PUDP: variants seen among roughly 807,000 people sequenced by gnomAD.
PUDP encodes the protein pseudouridine-5'-phosphatase.
PUDP carries 8 observed loss-of-function variants against 9.4 expected under a neutral mutation model. The observed-to-expected ratio is 0.85, with a 90% CI of 0.50 to 1.53. The LOEUF is 1.53. Among genes scored for constraint, PUDP ranks in the 40% most tolerant of loss-of-function variants. The pLI, the probability that PUDP is intolerant of heterozygous loss-of-function variation, is 0.00. For missense variants in PUDP, 188 were observed against 189.7 expected, an observed-to-expected ratio of 0.99 and a Z score of 0.05; for synonymous variants, 99 against 80.7, an observed-to-expected ratio of 1.23 and a Z score of -1.22.
At chrX:6,910,851 A>T (rs1215877217) in intron 3 of PUDP, among the ~76,000 whole-genome samples, 2 of 112,217 alleles carry the variant, frequency 1.8e-5, no homozygotes, top group East Asian at 5.6e-4. Context: ...TGTGGCAAAT[A>T]CAATGACTGG....
chrX:7,143,026 C>T (rs1432459385), intron 1 of PUDP, among the ~76,000 whole-genome samples: 1 of 111,156 alleles, frequency 9.0e-6, no homozygotes, highest in African/African-American at 3.3e-5. Context: ...TTTAAAATTG[C>T]CACAGCCACC....
chrX:6,917,325 C>A (rs1218017825), intron 3 of PUDP, among the ~76,000 whole-genome samples: 1 of 108,337 alleles, frequency 9.2e-6, no homozygotes, highest in Non-Finnish European at 1.9e-5. Context: ...CATGATCGCA[C>A]AACTGCACTC....
chrX:6,954,233 C>A (rs1021316485), intron 3 of PUDP, among the ~76,000 whole-genome samples: 2 of 111,286 alleles, frequency 1.8e-5, no homozygotes, highest in Non-Finnish European at 3.8e-5. Flanking sequence ...TCCTTTTACA[C>A]TGAACACATT....
intron 3 of PUDP, among the ~76,000 whole-genome samples, chrX:6,767,579 A>G (rs1211115805): frequency 8.9e-6 from 1 of 112,491 alleles, no homozygotes; most frequent in African/African-American, 3.2e-5. Flanking sequence ...CCACGATGGG[A>G]TATAGCAGCG....
chrX:7,073,174 TG>T (rs1018770892), intron 3 of PUDP, among the ~76,000 whole-genome samples: 10 of 112,169 alleles, frequency 8.9e-5, no homozygotes, highest in African/African-American at 3.2e-4. Flanking sequence ...AGGTGGTTTC[TG>T]GGGGGCTTCT....
intron 1 of PUDP, among the ~76,000 whole-genome samples, chrX:7,018,275 C>T (rs1174668401): frequency 1.8e-5 from 2 of 111,933 alleles, no homozygotes; most frequent in Non-Finnish European, 3.8e-5. Flanking sequence ...AGAACCCTCT[C>T]TTGGGGTCTG....
At chrX:7,094,724 C>A (rs1931525148) in intron 2 of PUDP, among the ~76,000 whole-genome samples, 2 of 111,730 alleles carry the variant, frequency 1.8e-5, no homozygotes, top group Admixed American at 1.9e-4. Context: ...ATTTGACTGG[C>A]AAATGGGCTT....
chrX:7,023,995 C>A (rs185336161), intron 1 of PUDP, among the ~76,000 whole-genome samples: 50 of 111,811 alleles, frequency 4.5e-4, no homozygotes, highest in Admixed American at 2.6e-3. Flanking sequence ...AGTATTGATT[C>A]TTCATTGCTA....
At chrX:7,095,323 C>T (rs779002128) in intron 2 of PUDP, among the ~76,000 whole-genome samples, 1 of 112,259 alleles carries the variant, frequency 8.9e-6, no homozygotes, top group Non-Finnish European at 1.9e-5. Context: ...TGCTTCTTAG[C>T]GGCGGCAGGA....
chrX:7,097,660 T>TC (rs1424313624), intron 2 of PUDP, among the ~76,000 whole-genome samples: 4 of 110,498 alleles, frequency 3.6e-5, no homozygotes, highest in Non-Finnish European at 7.6e-5. Context: ...TTCTCCTGTG[T>TC]CCCCCCGAGC....
chrX:6,880,726 G>A (rs757804711), intron 3 of PUDP, among the ~76,000 whole-genome samples: 2 of 111,603 alleles, frequency 1.8e-5, no homozygotes, highest in Non-Finnish European at 3.8e-5. Context: ...CAAATAATGA[G>A]CCTTACAGAG....
chrX:7,034,689 TAATC>T (rs1929831977), intron 1 of PUDP, among the ~76,000 whole-genome samples: 1 of 112,027 alleles, frequency 8.9e-6, no homozygotes, highest in East Asian at 2.8e-4. Context: ...ATCTATCTAA[TAATC>T]TATCTATGCA....
intron 1 of PUDP, among the ~76,000 whole-genome samples, chrX:6,709,445 T>C (rs1240358073): frequency 1.8e-5 from 2 of 112,186 alleles, no homozygotes; most frequent in Admixed American, 9.5e-5. Context: ...GTCCAGCTTT[T>C]AGTCCATCTG....
intron 3 of PUDP, among the ~76,000 whole-genome samples, chrX:6,838,833 C>T (rs769141175): frequency 1.8e-5 from 2 of 112,014 alleles, no homozygotes; most frequent in South Asian, 7.6e-4. Context: ...TATTTCTTTG[C>T]TAGTAGAATA....
At chrX:7,098,393 A>G (rs765211022) in intron 2 of PUDP, among the ~76,000 whole-genome samples, 2 of 111,470 alleles carry the variant, frequency 1.8e-5, no homozygotes, top group African/African-American at 6.5e-5. Context: ...GGAATGGAAG[A>G]GCAGGCCTTA....
intron 3 of PUDP, among the ~76,000 whole-genome samples, chrX:6,917,300 G>A (rs938861613): frequency 3.7e-5 from 4 of 109,390 alleles, no homozygotes; most frequent in Non-Finnish European, 5.7e-5. Flanking sequence ...CCAGGAGGTC[G>A]AAAGTACAGT....
rs1932922067 is a variant in PUDP at position 7,148,139 on chromosome X, G to A, written c.-26C>T. On this transcript the variant is annotated 5_prime_UTR_variant, in exon 1 of 4. Coordinates refer to ENST00000381077, the MANE Select transcript of PUDP (RefSeq NM_012080.5). ...GGTGGCGCCTTCTGGGTCTGGGTGGGGGCGAGGAGGAAGTGCGCGCGCACC... is the reference window on the plus strand; with the variant it reads ...GGTGGCGCCTTCTGGGTCTGGGTGGAGGCGAGGAGGAAGTGCGCGCGCACC... 1 of 1,071,712 alleles carries A rather than the reference G, an allele frequency of 9.3e-7. No individual in the cohort carries two copies. The highest frequency in any genetic ancestry group is 1.2e-6 in the Non-Finnish European group (1 of 805,571). 88.3% of individuals were successfully genotyped at this position (1,071,712 alleles called of 1,213,427 possible).
At chrX:6,760,045 G>T (rs12848526) in intron 3 of PUDP, among the ~76,000 whole-genome samples, 20,761 of 110,884 alleles carry the variant, frequency 0.19, 2,047 homozygotes, top group African/African-American at 0.38. Flanking sequence ...ATTTATTTAG[G>T]TTTTTTTTCT....
chrX:6,898,499 T>C (rs72609587), intron 3 of PUDP, among the ~76,000 whole-genome samples: 7,389 of 111,954 alleles, frequency 0.066, 358 homozygotes, highest in East Asian at 0.32. Context: ...GGTTCATCCT[T>C]CTGCTTATCC....
Sources: gnomAD v4.1 joint callset for allele counts (sites outside exome capture counted in the v4.1 genomes callset) on GRCh38, gnomAD v4.1.1 for gene constraint, MANE v1.5 for transcripts, NCBI Gene and HGNC (gene_info 2026-07-23, HGNC 2026-07-21) for gene names.